The following ZDHHC8 variants were observed in gnomAD, a reference collection of about 807,000 sequenced individuals.
The protein encoded by ZDHHC8 is palmitoyltransferase ZDHHC8.
In ZDHHC8, 24 loss-of-function variants were observed where a neutral mutation model predicts 61.2. That is an observed-to-expected ratio of 0.39 (90% CI 0.28 to 0.55). The LOEUF (loss-of-function observed/expected upper bound fraction) is 0.55. Among genes scored for constraint, ZDHHC8 ranks in the 20% least tolerant of loss-of-function variants. ZDHHC8 has a pLI of 0.60. For synonymous variants in ZDHHC8, 523 were observed against 492.5 expected, an observed-to-expected ratio of 1.06 and a Z score of -0.82; for missense variants, 935 against 1,102.1, an observed-to-expected ratio of 0.85 and a Z score of 2.15.
rs1436107703 is a variant in ZDHHC8, at chr22:20,145,713, C to T, written c.*313C>T. 9.7e-7 allele frequency: 1 copy of T among 1,030,230 alleles called. No homozygotes were observed. The highest frequency in any genetic ancestry group is 1.7e-5 in the African/African-American group (1 of 58,876). The allele number at this position is 1,030,230 out of a possible 1,614,324, so 63.8% of individuals were successfully genotyped here. ...TTTGGGGCACCCTCTCTCAGCCAGG[C>T]TTGGCCCACTGCCATCACCCAGCAC... On this transcript the variant is annotated 3_prime_UTR_variant, in exon 11 of 11. Coordinates refer to ENST00000334554, the MANE Select transcript of ZDHHC8 (RefSeq NM_013373.4).
At chr22:20,134,363 G>A (rs2050403132) in intron 1 of ZDHHC8, among the ~76,000 whole-genome samples, 1 of 152,246 alleles carries the variant, frequency 6.6e-6, no homozygotes, top group African/African-American at 2.4e-5. Context: ...CAGTTCCTGA[G>A]AAGGGGTTCT....
Position 20,143,011 on chromosome 22 carries a change from C to T in ZDHHC8, c.1381C>T (p.His461Tyr). The T allele has an allele frequency of 6.2e-7, 1 of 1,611,698 alleles. No individual in the cohort carries two copies. The highest frequency in any genetic ancestry group is 8.5e-7 in the Non-Finnish European group (1 of 1,179,358). Residue 461 changes from histidine (H) to tyrosine (Y), a missense_variant, in exon 10 of 11, where the codon CAC becomes TAC. His to Tyr is a moderately conservative substitution (Grantham distance 83). Coordinates refer to ENST00000334554, the MANE Select transcript of ZDHHC8 (RefSeq NM_013373.4). ...LRSEGGPPTP[H>Y]RSIFAPHALP... is the part of the protein sequence containing the mutation. ...CTCTGAGGGGGGGCCCCCCACGCCC[C>T]ACCGTAGCATTTTTGCCCCCCATGC...
At position 20,142,923 on chromosome 22, in the gene ZDHHC8, C is replaced by T. The variant is rs758173672; in HGVS notation, c.1293C>T (p.Arg431=). ...SASDAFSGAL[R]SLSLKASSRR... ...CTGATGCCTTCTCGGGCGCTTTGCG[C>T]TCCCTGAGCCTCAAGGCCTCGAGCC... The change falls in exon 10 of 11, where the codon CGC becomes CGT. Residue 431 remains arginine (R), a synonymous_variant. Coordinates refer to ENST00000334554, the MANE Select transcript of ZDHHC8 (RefSeq NM_013373.4). 7.5e-6 allele frequency: 12 copies of T among 1,605,602 alleles called. No individual in the cohort carries two copies. Among genetic ancestry groups the T allele is most frequent in the Non-Finnish European group, 1.0e-5 (12 of 1,175,466 alleles).
Position 20,141,341 on chromosome 22 carries a change from A to T in ZDHHC8, c.1015+4A>T. 1 of 1,611,590 alleles carries T rather than the reference A, an allele frequency of 6.2e-7. No individual in the cohort carries two copies. Among genetic ancestry groups the T allele is most frequent in the South Asian group, 1.1e-5 (1 of 90,942 alleles). ...ACCCCGCGCCCAGGCAGTGCTGGTG[A>T]GGTTGGGGCAGCCACGACTAGGGAG... On this transcript the variant is annotated splice_donor_region_variant and intron_variant, in intron 8 of 10. Transcript: ENST00000334554.
rs757217788 is a variant in ZDHHC8, at chr22:20,145,307, C to T, written c.2205C>T (p.Thr735=). 9.4e-6 allele frequency: 15 copies of T among 1,593,186 alleles called. No individual in the cohort carries two copies. The highest frequency in any genetic ancestry group is 7.0e-5 in the East Asian group (3 of 43,142). Residue 735 remains threonine, a synonymous_variant, in exon 11 of 11, where the codon ACC becomes ACT. Transcript: ENST00000334554. The stretch of plus-strand genomic sequence containing the variant: ...GCCTGGCCCGGCTGGGACCTGCCAC[C>T]GGCCCCCCAGGGCCCTCTGCCAGCC... ...SPGLARLGPA[T]GPPGPSASPT...
chr22:20,144,520 C>T (rs544653561), intron 10 of ZDHHC8, among the ~76,000 whole-genome samples: 1 of 152,364 alleles, frequency 6.6e-6, no homozygotes, highest in East Asian at 1.9e-4. Context: ...TCGGCAGATG[C>T]AGCCCCAGAG....
Position 20,141,299 on chromosome 22 carries a change from T to C in ZDHHC8, c.977T>C (p.Phe326Ser). ...CCCCCCAAGATAGAGGCTGGCACGT[T>C]CAGCAGTGACCTGCAGACCCCGCGC... ...PLPPKIEAGT[F>S]SSDLQTPRPG... The change falls in exon 8 of 11, where the codon TTC (phenylalanine) becomes TCC (serine). Residue 326 changes from phenylalanine (F) to serine (S), a missense_variant. Physicochemically the swap from Phe to Ser is radical, Grantham distance 155. This residue lies in a region of ZDHHC8 where 692 missense variants were observed against 731.4 expected (regional missense o/e 0.95). Coordinates refer to ENST00000334554, the MANE Select transcript of ZDHHC8 (RefSeq NM_013373.4). The C allele has an allele frequency of 6.2e-7, 1 of 1,612,850 alleles. No homozygotes were observed. The highest frequency in any genetic ancestry group is 8.5e-7 in the Non-Finnish European group (1 of 1,179,932).
chr22:20,146,407 A>G lies in ZDHHC8; in HGVS notation c.*1007A>G. 4.1e-6 allele frequency: 4 copies of G among 984,804 alleles called. No homozygotes were observed. Among genetic ancestry groups the G allele is most frequent in the Non-Finnish European group, 4.8e-6 (4 of 829,238 alleles). The allele number at this position is 984,804 out of a possible 1,614,324, so 61.0% of individuals were successfully genotyped here. A position where few individuals can be genotyped will look rare whatever the true frequency, so the allele number is the denominator to read the frequency against. On this transcript the variant is annotated 3_prime_UTR_variant, in exon 11 of 11. Transcript: ENST00000334554. ...CGTTGTGTCTGTTTTATGTTTTTAT[A>G]TCTACATCTATATATCTATAATTTT...
At chr22:20,139,388 G>A in intron 2 of ZDHHC8, 73 bp downstream of exon 2, 5 of 1,603,456 alleles carry the variant, frequency 3.1e-6, no homozygotes, top group Middle Eastern at 1.7e-4. Context: ...ACAGCCTTAG[G>A]GATTCCTGGT....
At position 20,143,532 on chromosome 22, in the gene ZDHHC8, C is replaced by G; in HGVS notation, c.1902C>G (p.Ser634=). The change falls in exon 10 of 11, where the codon TCC becomes TCG. Residue 634 remains serine, a synonymous_variant. Coordinates refer to ENST00000334554, the MANE Select transcript of ZDHHC8 (RefSeq NM_013373.4). Reference sequence around the variant, plus strand: ...CGTCACTGTCCTCGCTGTCCAGCTCCGTGAGCCGTGCACCGCGGACGTCGT... The same window carrying G: ...CGTCACTGTCCTCGCTGTCCAGCTCGGTGAGCCGTGCACCGCGGACGTCGT... ...LQTSLSSLSS[S]VSRAPRTSSS... The G allele has an allele frequency of 1.3e-6, 2 of 1,598,824 alleles. No homozygotes were observed. The highest frequency in any genetic ancestry group is 1.7e-6 in the Non-Finnish European group (2 of 1,177,278).
In ZDHHC8 at chr22:20,146,671, G is replaced by A; in HGVS notation, c.*1271G>A. Reference sequence around the variant, plus strand: ...TGGCTGGGAAGTGTGAGGGTCTCTCGCCTTGGGTCTGTGTCAGTTCTGGCA... The same window carrying A: ...TGGCTGGGAAGTGTGAGGGTCTCTCACCTTGGGTCTGTGTCAGTTCTGGCA... On this transcript the variant is annotated 3_prime_UTR_variant, in exon 11 of 11. Transcript: ENST00000334554. 9.5e-7 allele frequency: 1 copy of A among 1,050,142 alleles called. No individual in the cohort carries two copies. Among genetic ancestry groups the A allele is most frequent in the Non-Finnish European group, 1.1e-6 (1 of 872,434 alleles). The allele number at this position is 1,050,142 out of a possible 1,614,324, so 65.1% of individuals were successfully genotyped here.
intron 7 of ZDHHC8, 29 bp from the exon 8 acceptor site, chr22:20,141,188 C>T: frequency 6.2e-7 from 1 of 1,601,648 alleles, no homozygotes; most frequent in Non-Finnish European, 8.5e-7. Context: ...ATCCAAGCCC[C>T]ACACACCACT....
Position 20,142,886 on chromosome 22 carries a change from C to G in ZDHHC8, c.1256C>G (p.Pro419Arg). 6.2e-7 allele frequency: 1 copy of G among 1,611,794 alleles called. No individual in the cohort carries two copies. The highest frequency in any genetic ancestry group is 8.5e-7 in the Non-Finnish European group (1 of 1,179,610). ...CATGCAGCCTACCCGCCATCCCCAC[C>G]GCTCAGCGCCTCTGATGCCTTCTCG... ...GLHAAYPPSP[P>R]LSASDAFSGA... is the part of the protein sequence containing the mutation. The change falls in exon 10 of 11, where the codon CCG becomes CGG. Residue 419 changes from proline to arginine, a missense_variant. Transcript: ENST00000334554.
At chr22:20,140,734 A>T (rs763123551) in intron 6 of ZDHHC8, 26 bp downstream of exon 6, 2 of 1,603,388 alleles carry the variant, frequency 1.2e-6, no homozygotes, top group Non-Finnish European at 1.7e-6. Context: ...GGCAGGGTGG[A>T]GGGGGGCCTC....
chr22:20,132,154 A>G lies in ZDHHC8; in HGVS notation c.104+103A>G, dbSNP rs545469377. On this transcript the variant is annotated intron_variant, in intron 1 of 10. Transcript: ENST00000334554. ...CGCGGGGGCTGGCGGGGCCCCGGGCAGTGGGCGGGCGGGGCGCCGGCTGCA... is the reference window on the plus strand; with the variant it reads ...CGCGGGGGCTGGCGGGGCCCCGGGCGGTGGGCGGGCGGGGCGCCGGCTGCA... 8.7e-6 allele frequency: 6 copies of G among 687,206 alleles called. No homozygotes were observed. The South Asian group carries it at 4.0e-4, about 45-fold the overall frequency. The allele number at this position is 687,206 out of a possible 1,614,324, so 42.6% of individuals were successfully genotyped here.
At chr22:20,139,137 G>T in intron 1 of ZDHHC8, 57 bp from the exon 2 acceptor site, 1 of 1,578,404 alleles carries the variant, frequency 6.3e-7, no homozygotes. Context: ...ATAGCTCTGC[G>T]CCTGCATCCG....
Position 20,139,736 on chromosome 22 carries a change from G to GC in ZDHHC8, c.405dup (p.Trp136LeufsTer41). 6.2e-7 allele frequency: 1 copy of GC among 1,612,576 alleles called. No homozygotes were observed. The highest frequency in any genetic ancestry group is 8.5e-7 in the Non-Finnish European group (1 of 1,179,998). ...CCCGCCCAGGACTTTGACCACCACT[G>GC]CCCCTGGGTCAACAACTGCATCGGG... is the stretch of plus-strand genomic sequence containing the variant. On this transcript the variant is annotated frameshift_variant, in exon 4 of 11. Transcript: ENST00000334554. LOFTEE classifies it high-confidence loss of function.
Position 20,140,640 on chromosome 22 carries a change from T to C in ZDHHC8, c.684T>C (p.Gly228=). ...AGGTGACTGGGAAGTTCCGCGGGGGTGTGAACCCTTTCACCCGAGGCTGCT... is the reference window on the plus strand; with the variant it reads ...AGGTGACTGGGAAGTTCCGCGGGGGCGTGAACCCTTTCACCCGAGGCTGCT... The part of the protein sequence containing the change: ...NEQVTGKFRG[G]VNPFTRGCCG... The change falls in exon 6 of 11, where the codon GGT becomes GGC. Residue 228 remains glycine (G), a synonymous_variant. Coordinates refer to ENST00000334554, the MANE Select transcript of ZDHHC8 (RefSeq NM_013373.4). 1 of 1,610,208 alleles carries C rather than the reference T, an allele frequency of 6.2e-7. No homozygotes were observed. The highest frequency in any genetic ancestry group is 1.1e-5 in the South Asian group (1 of 90,444).
chr22:20,137,471 G>C (rs1178789078), intron 1 of ZDHHC8, among the ~76,000 whole-genome samples: 1 of 152,260 alleles, frequency 6.6e-6, no homozygotes, highest in Non-Finnish European at 1.5e-5. Context: ...TGCAGCCCGA[G>C]GGTTGACCAA....
Sources: gnomAD v4.1 joint callset for allele counts (sites outside exome capture counted in the v4.1 genomes callset) on GRCh38, gnomAD v4.1.1 for gene constraint, gnomAD v4.1.1 regional missense constraint, MANE v1.5 for transcripts, NCBI Gene and HGNC (gene_info 2026-07-23, HGNC 2026-07-21) for gene names.